The following ARHGEF3 variants were observed in gnomAD, a reference collection of about 807,000 sequenced individuals.
ARHGEF3 encodes 59.8 kDA protein.
A neutral mutation model predicts 63.2 loss-of-function variants in ARHGEF3; 28 were observed. The ratio of observed to expected loss-of-function variants is 0.44; its 90% confidence interval spans 0.33 to 0.61. The LOEUF is 0.61. ARHGEF3 is among the 20% of genes least tolerant of loss of function. The probability of loss-of-function intolerance (pLI) is 0.03; values close to 1 mark genes in which losing one functional copy is unlikely to be tolerated. For synonymous variants in ARHGEF3, 266 were observed against 254.2 expected (o/e 1.05, Z -0.44); for missense variants, 533 against 659.3 (o/e 0.81, Z 2.10).
chr3:57,040,265 C>G (rs1704122668), intron 1 of ARHGEF3, among the ~76,000 whole-genome samples: 1 of 152,126 alleles, frequency 6.6e-6, no homozygotes, highest in African/African-American at 2.4e-5. Flanking sequence ...ATCACGAGGT[C>G]AGGACATTGA....
chr3:56,930,604 G>A (rs755407916), intron 3 of ARHGEF3, among the ~76,000 whole-genome samples: 5 of 152,102 alleles, frequency 3.3e-5, no homozygotes, highest in African/African-American at 7.2e-5. Context: ...TCCTAATCTT[G>A]TTCACTGCAT....
At chr3:56,882,759 C>T (rs1253772656) in intron 3 of ARHGEF3, among the ~76,000 whole-genome samples, 4 of 152,062 alleles carry the variant, frequency 2.6e-5, no homozygotes, top group African/African-American at 4.8e-5. Flanking sequence ...CCTCGTGATC[C>T]GCCCTCCTCA....
chr3:57,007,960 G>T (rs1243305806), intron 2 of ARHGEF3, among the ~76,000 whole-genome samples: 1 of 152,176 alleles, frequency 6.6e-6, no homozygotes, highest in African/African-American at 2.4e-5. Context: ...CGGCAGGGCT[G>T]CTTAGCTGGG....
chr3:56,916,271 G>T (rs1300413348), intron 3 of ARHGEF3: 30 of 1,529,848 alleles, frequency 2.0e-5, no homozygotes, highest in Non-Finnish European at 2.4e-5. Flanking sequence ...TGGGAGTTGA[G>T]AGCCGGCCCA....
chr3:56,879,325 T>C (rs1310499185), intron 4 of ARHGEF3, among the ~76,000 whole-genome samples: 1 of 152,218 alleles, frequency 6.6e-6, no homozygotes. Context: ...AAGGGGGACA[T>C]AGTCTGTGTT....
chr3:56,958,529 G>A (rs940842452), intron 3 of ARHGEF3, among the ~76,000 whole-genome samples: 4 of 151,482 alleles, frequency 2.6e-5, no homozygotes, highest in Non-Finnish European at 5.9e-5. Context: ...TAGCAGCTTC[G>A]CCATGTTGCC....
chr3:56,749,067 C>A (rs1321406750), intron 6 of ARHGEF3, among the ~76,000 whole-genome samples: 2 of 152,158 alleles, frequency 1.3e-5, no homozygotes, highest in African/African-American at 2.4e-5. Context: ...GTTTACTGTT[C>A]CCACTCAGAC....
chr3:57,056,306 G>C (rs1256114363), intron 1 of ARHGEF3, among the ~76,000 whole-genome samples: 1 of 148,450 alleles, frequency 6.7e-6, no homozygotes, highest in Non-Finnish European at 1.5e-5. Context: ...AGAATCTCTT[G>C]AACCTGGGAG....
At chr3:56,870,258 A>T (rs1383563499) in intron 4 of ARHGEF3, among the ~76,000 whole-genome samples, 1 of 152,200 alleles carries the variant, frequency 6.6e-6, no homozygotes, top group African/African-American at 2.4e-5. Context: ...AAACTGTGGT[A>T]CATCTATACA....
intron 2 of ARHGEF3, among the ~76,000 whole-genome samples, chr3:57,019,031 C>G (rs7640462): frequency 6.6e-6 from 1 of 151,886 alleles, no homozygotes; most frequent in Non-Finnish European, 1.5e-5. Context: ...TGAGAATGAC[C>G]GAGTCCAATG....
chr3:57,054,341 G>C (rs573564676), intron 1 of ARHGEF3, among the ~76,000 whole-genome samples: 1 of 151,832 alleles, frequency 6.6e-6, no homozygotes, highest in East Asian at 1.9e-4. Context: ...TTTAAAATTG[G>C]GTTGTCAGGT....
rs1702276506 is a variant in ARHGEF3 at position 57,002,500 on chromosome 3, A to ATATATATATATATATATATGT, written c.62+32587_62+32588insACATATATATATATATATATA. On this transcript the variant is annotated intron_variant, in intron 2 of 12. Coordinates refer to the ARHGEF3 transcript ENST00000338458. ...TATGTTATATATATATATATATGTT[A>ATATATATATATATATATATGT]TATATATATATATGTTATATATGTA... is the stretch of plus-strand genomic sequence containing the variant. 6.7e-4 allele frequency among the ~76,000 whole-genome samples: 40 copies of ATATATATATATATATATATGT among 60,116 alleles called. 1 individual carries two copies. The highest frequency in any genetic ancestry group is 2.4e-3 in the African/African-American group (39 of 16,016). 39.4% of individuals were successfully genotyped at this position (60,116 alleles called of 152,430 possible). A position where few individuals can be genotyped will look rare whatever the true frequency, so the allele number is the denominator to read the frequency against.
chr3:56,869,828 A>G (rs2108219576), intron 4 of ARHGEF3, among the ~76,000 whole-genome samples: 1 of 152,168 alleles, frequency 6.6e-6, no homozygotes, highest in East Asian at 1.9e-4. Flanking sequence ...AATCAGAAAC[A>G]AAAGTATTAC....
intron 4 of ARHGEF3, among the ~76,000 whole-genome samples, chr3:56,836,755 A>G (rs185249276): frequency 4.6e-5 from 7 of 152,238 alleles, no homozygotes; most frequent in African/African-American, 1.7e-4. Flanking sequence ...GCAAAACCCC[A>G]TCTCTACAAA....
At chr3:56,762,881 C>T (rs2035502026) in intron 2 of ARHGEF3, among the ~76,000 whole-genome samples, 1 of 152,098 alleles carries the variant, frequency 6.6e-6, no homozygotes, top group Non-Finnish European at 1.5e-5. Context: ...TATGAGGCTC[C>T]ATTACAGAAA....
intron 1 of ARHGEF3, among the ~76,000 whole-genome samples, chr3:56,774,759 C>T (rs572755822): frequency 1.8e-4 from 27 of 152,062 alleles, no homozygotes; most frequent in African/African-American, 6.3e-4. Context: ...ATTAGCTGGG[C>T]GTGGTGGCAG....
chr3:56,920,834 C>T (rs62251091), intron 3 of ARHGEF3, among the ~76,000 whole-genome samples: 34,600 of 151,940 alleles, frequency 0.23, 4,978 homozygotes, highest in Non-Finnish European at 0.32. Flanking sequence ...GGGCAGATCA[C>T]GAGGTCAGGA....
intron 3 of ARHGEF3, among the ~76,000 whole-genome samples, chr3:56,926,874 G>C (rs1426448741): frequency 6.6e-6 from 1 of 152,208 alleles, no homozygotes; most frequent in East Asian, 1.9e-4. Context: ...CGGGAGGGGT[G>C]GGAGGAGTCC....
At chr3:56,988,869 T>C (rs1276011767) in intron 2 of ARHGEF3, among the ~76,000 whole-genome samples, 1 of 152,200 alleles carries the variant, frequency 6.6e-6, no homozygotes, top group Non-Finnish European at 1.5e-5. Flanking sequence ...TGCATCTCCC[T>C]CATGACTTTT....
Sources: gnomAD v4.1 joint callset for allele counts (sites outside exome capture counted in the v4.1 genomes callset) on GRCh38, gnomAD v4.1.1 for gene constraint, MANE v1.5 for transcripts, NCBI Gene and HGNC (gene_info 2026-07-23, HGNC 2026-07-21) for gene names.